The following ADAMTS10 variants were observed in gnomAD, a reference collection of about 807,000 sequenced individuals.
ADAMTS10 encodes the protein A disintegrin and metalloproteinase with thrombospondin motifs 10.
Under a neutral mutation model 135.9 loss-of-function variants are expected in ADAMTS10, and 48 were observed. That is an observed-to-expected ratio of 0.35 (90% confidence interval 0.28 to 0.45). ADAMTS10 has a LOEUF of 0.45. Among genes scored for constraint, ADAMTS10 ranks in the 20% least tolerant of loss-of-function variants. The pLI is 1.00. For missense variants in ADAMTS10, 1,131 were observed against 1,565.2 expected (o/e 0.72, Z 4.68); for synonymous variants, 621 against 647.5 (o/e 0.96, Z 0.62).
chr19:8,589,170 C>T, intron 18 of ADAMTS10, 72 bp downstream of exon 18: 1 of 1,604,466 alleles, frequency 6.2e-7, no homozygotes, highest in Non-Finnish European at 8.5e-7. Flanking sequence ...TCAGCTACTG[C>T]ACTGGGATCA....
intron 1 of ADAMTS10, among the ~76,000 whole-genome samples, chr19:8,609,613 C>T (rs2042759143): frequency 6.6e-6 from 1 of 152,050 alleles, no homozygotes; most frequent in South Asian, 2.1e-4. Flanking sequence ...AAGGCCCAGC[C>T]GGGGCCTGCG....
rs781928538 is a variant in ADAMTS10 at position 8,597,138 on chromosome 19, G to A, written c.895-6C>T. ...TGGGTGATCTCCAGAGTGGGCTGGG[G>A]ATGGACAGAGGGAAATGCATGGGCA... On this transcript the variant is annotated splice_polypyrimidine_tract_variant and splice_region_variant and intron_variant, in intron 7 of 25. Coordinates refer to ENST00000597188, the MANE Select transcript of ADAMTS10 (RefSeq NM_030957.4). 2 of 1,614,218 alleles carry A rather than the reference G, an allele frequency of 1.2e-6. No individual in the cohort carries two copies. The highest frequency in any genetic ancestry group is 1.1e-5 in the South Asian group (1 of 91,088).
intron 12 of ADAMTS10, 64 bp downstream of exon 12, chr19:8,595,698 T>TGCCAAC: frequency 3.6e-5 from 47 of 1,291,924 alleles, no homozygotes; most frequent in East Asian, 9.5e-5. Context: ...CTGGTGGAGT[T>TGCCAAC]CCCTCCCCCA....
rs1167351431 is a variant in ADAMTS10 at position 8,605,568 on chromosome 19, C to A, written c.88+55G>T. ...GATGCCTCTTTCTGTTGGAGCCCAA[C>A]TGGTCTCTTACATTTTTCGCTCCCT... is the stretch of plus-strand genomic sequence containing the variant. On this transcript the variant is annotated intron_variant, in intron 3 of 25. Coordinates refer to ENST00000597188, the MANE Select transcript of ADAMTS10 (RefSeq NM_030957.4). The surrounding 1 kb of genome is among the most constrained non-coding windows in gnomAD (Gnocchi z 7.7). 3.2e-6 allele frequency: 5 copies of A among 1,580,476 alleles called. No homozygotes were observed. The highest frequency in any genetic ancestry group is 4.3e-6 in the Non-Finnish European group (5 of 1,162,156).
chr19:8,594,234 T>C (rs565931663), intron 12 of ADAMTS10, among the ~76,000 whole-genome samples: 10 of 152,312 alleles, frequency 6.6e-5, no homozygotes, highest in African/African-American at 2.4e-4. Flanking sequence ...GCAATATATT[T>C]CCCCTCTCTG....
Position 8,580,824 on chromosome 19 carries a change from T to C in ADAMTS10, c.*69A>G. On this transcript the variant is annotated 3_prime_UTR_variant, in exon 26 of 26. Transcript: ENST00000597188. The stretch of plus-strand genomic sequence containing the variant: ...CAGTTCCCGCCCCCCCGGGGCCCCC[T>C]CTGGCCGGCCCGCTGCAGGGCTGGC... 1 of 1,346,650 alleles carries C rather than the reference T, an allele frequency of 7.4e-7. No homozygotes were observed. The allele number at this position is 1,346,650 out of a possible 1,614,324, so 83.4% of individuals were successfully genotyped here.
At chr19:8,585,353 G>A in intron 23 of ADAMTS10, 45 bp from the exon 24 acceptor site, 1 of 1,534,004 alleles carries the variant, frequency 6.5e-7, no homozygotes. Context: ...CTGCCCCAGT[G>A]CGAAGTGAGG....
chr19:8,581,860 C>CA (rs71286209), intron 25 of ADAMTS10, among the ~76,000 whole-genome samples: 24,605 of 127,522 alleles, frequency 0.19, 2,046 homozygotes, highest in Middle Eastern at 0.24. Context: ...AACAAAAAAA[C>CA]AAAAAAAAAA....
In ADAMTS10 at chr19:8,591,803, C is replaced by T. The variant is rs145420448; in HGVS notation, c.1794G>A (p.Thr598=). ...GERRRHRSCN[T]DDCPPGSQDF... The stretch of plus-strand genomic sequence containing the variant: ...CAAGGGGTTTGGGGGAACTCACATC[C>T]GTGTTGCAGGAGCGGTGCCGCCTTC... Residue 598 remains threonine (T), a synonymous_variant, in exon 15 of 26, where the codon ACG becomes ACA. Transcript: ENST00000597188. 1.2e-6 allele frequency: 2 copies of T among 1,613,832 alleles called. No individual in the cohort carries two copies. The highest frequency in any genetic ancestry group is 1.7e-5 in the Admixed American group (1 of 60,020).
intron 6 of ADAMTS10, among the ~76,000 whole-genome samples, chr19:8,600,337 T>C (rs2042648519): frequency 6.6e-6 from 1 of 152,110 alleles, no homozygotes; most frequent in Non-Finnish European, 1.5e-5. Context: ...CCAAGCAGGT[T>C]CCCTCTGCCC....
chr19:8,587,333 C>CTTTTTTTT lies in ADAMTS10; in HGVS notation c.2159-445_2159-438dup, dbSNP rs559435857. Among the ~76,000 whole-genome samples the CTTTTTTTT allele has an allele frequency of 4.5e-3, 352 of 77,462 alleles. 4 individuals are homozygous for CTTTTTTTT. The highest frequency in any genetic ancestry group is 9.8e-3 in the East Asian group (20 of 2,044). The allele number at this position is 77,462 out of a possible 152,430, so 50.8% of individuals were successfully genotyped here. ...CACCACACCTGGCTAACTAAAAAACCTTTTTTTTTTTTTTTTTTTTTTTGT... is the reference window on the plus strand; with the variant it reads ...CACCACACCTGGCTAACTAAAAAACCTTTTTTTTTTTTTTTTTTTTTTTTTTTTTTTGT... On this transcript the variant is annotated intron_variant, in intron 18 of 25. Transcript: ENST00000597188.
Position 8,585,037 on chromosome 19 carries a change from G to C in ADAMTS10, c.3060C>G (p.Gly1020=). 1 of 1,530,646 alleles carries C rather than the reference G, an allele frequency of 6.5e-7. No individual in the cohort carries two copies. Among genetic ancestry groups the C allele is most frequent in the East Asian group, 2.5e-5 (1 of 40,518 alleles). 94.8% of individuals were successfully genotyped at this position (1,530,646 alleles called of 1,614,324 possible). Reference sequence around the variant, plus strand: ...GCACCGAGCGCTGCCGCTGCCCGACGCCGCACTGTGCAGAGCACTGCGAGG... The same window carrying C: ...GCACCGAGCGCTGCCGCTGCCCGACCCCGCACTGTGCAGAGCACTGCGAGG... The part of the protein sequence containing the change: ...GEWGECSAQC[G]VGQRQRSVRC... The change falls in exon 25 of 26, where the codon GGC becomes GGG. Residue 1020 remains glycine, a synonymous_variant. Transcript: ENST00000597188.
In ADAMTS10 at chr19:8,601,386, G is replaced by A. The variant is rs2042668590; in HGVS notation, c.593-241C>T. Among the ~76,000 whole-genome samples the A allele has an allele frequency of 6.7e-6, 1 of 148,922 alleles. No individual in the cohort carries two copies. The highest frequency in any genetic ancestry group is 2.5e-5 in the African/African-American group (1 of 40,232). ...TCTTTTTTTTTTTTTTTTTGAGACG[G>A]AGTATCATTCTGTCACCCAGGCTGG... is the stretch of plus-strand genomic sequence containing the variant. On this transcript the variant is annotated intron_variant, in intron 5 of 25. Coordinates refer to ENST00000597188, the MANE Select transcript of ADAMTS10 (RefSeq NM_030957.4). The surrounding 1 kb of genome is among the most constrained non-coding windows in gnomAD (Gnocchi z 4.6).
chr19:8,609,241 T>G (rs1389570454), intron 1 of ADAMTS10, among the ~76,000 whole-genome samples: 1 of 148,138 alleles, frequency 6.8e-6, no homozygotes, highest in Non-Finnish European at 1.5e-5. Flanking sequence ...ACCCTGTGTG[T>G]GTGTGTGTGT....
chr19:8,592,349 G>T (rs971040933), intron 13 of ADAMTS10: 12 of 727,352 alleles, frequency 1.6e-5, no homozygotes, highest in Non-Finnish European at 2.2e-6. Flanking sequence ...ACAGGACCAC[G>T]ATAAGCGTGG....
Position 8,590,032 on chromosome 19 carries a change from G to A in ADAMTS10, c.1798-41C>T, listed in dbSNP as rs3923268. The A allele has an allele frequency of 0.11, 155,520 of 1,430,934 alleles. 14,871 individuals are homozygous for A. Among genetic ancestry groups the A allele is most frequent in the East Asian group, 0.55 (24,178 of 44,290 alleles). The allele number at this position is 1,430,934 out of a possible 1,614,324, so 88.6% of individuals were successfully genotyped here. A position where few individuals can be genotyped will look rare whatever the true frequency, so the allele number is the denominator to read the frequency against. On this transcript the variant is annotated intron_variant, in intron 15 of 25. Coordinates refer to ENST00000597188, the MANE Select transcript of ADAMTS10 (RefSeq NM_030957.4). ...GAGAGATGGAGGGAGGCCAGGCTTG[G>A]GGGGATGGAGTCAGAAAAGGGGTGC...
At chr19:8,581,888 G>A (rs1459224878) in intron 25 of ADAMTS10, among the ~76,000 whole-genome samples, 7 of 150,020 alleles carry the variant, frequency 4.7e-5, no homozygotes, top group South Asian at 2.1e-4. Context: ...AAAATTAGCC[G>A]GGTGTTGTGG....
Position 8,586,441 on chromosome 19 carries a change from G to A in ADAMTS10, c.2433C>T (p.Leu811=), listed in dbSNP as rs886054712. Residue 811 remains leucine, a synonymous_variant, in exon 21 of 26, where the codon CTC becomes CTT. Transcript: ENST00000597188. ...CGATGGGGGCATTGAAGCGGTAGCG[G>A]AGGGCAGGCAGCTCGGTCCGGGCCA... ...MVLARTELPA[L]RYRFNAPIAR... is the part of the protein sequence containing the mutation. 1.5e-5 allele frequency: 25 copies of A among 1,613,828 alleles called. No homozygotes were observed. Among genetic ancestry groups the A allele is most frequent in the Non-Finnish European group, 2.0e-5 (24 of 1,180,014 alleles).
chr19:8,585,108 C>T (rs1211086231), intron 24 of ADAMTS10, 24 bp downstream of exon 24: 8 of 1,476,160 alleles, frequency 5.4e-6, no homozygotes, highest in Non-Finnish European at 7.2e-6. Context: ...CTGGCCCCCA[C>T]CCCTCTGGGG....
Sources: gnomAD v4.1 joint callset for allele counts (sites outside exome capture counted in the v4.1 genomes callset) on GRCh38, gnomAD v4.1.1 for gene constraint, Gnocchi (gnomAD v3.1) non-coding constraint, MANE v1.5 for transcripts, NCBI Gene and HGNC (gene_info 2026-07-23, HGNC 2026-07-21) for gene names.